The following TPTE variants were observed in gnomAD, a reference collection of about 807,000 sequenced individuals.
TPTE encodes putative tyrosine-protein phosphatase TPTE.
In TPTE, 59 loss-of-function variants were observed where a neutral mutation model predicts 84.1. The observed-to-expected ratio is 0.70, with a 90% CI of 0.57 to 0.87. TPTE has a LOEUF of 0.87. TPTE is among the 40% of genes least tolerant of loss of function. TPTE has a pLI of 0.00. For synonymous variants in TPTE, 130 were observed against 223.5 expected (o/e 0.58, Z 3.73); for missense variants, 382 against 659.6 (o/e 0.58, Z 4.61).
chr21:10,582,888 C>T (rs866050677), intron 17 of TPTE, among the ~76,000 whole-genome samples: 396 of 151,154 alleles, frequency 2.6e-3, no homozygotes, highest in African/African-American at 9.4e-3. Flanking sequence ...CATCCACCAC[C>T]ACACCCAGCT....
intron 10 of TPTE, among the ~76,000 whole-genome samples, chr21:10,563,710 AAGAC>A (rs2074854262): frequency 6.6e-6 from 1 of 152,292 alleles, no homozygotes; most frequent in Admixed American, 6.5e-5. Context: ...TCACTAATGA[AAGAC>A]AGGAAGGAAA....
intron 21 of TPTE, 50 bp from the exon 22 acceptor site, chr21:10,602,008 G>C (rs1978587730): frequency 6.3e-7 from 1 of 1,581,680 alleles, no homozygotes; most frequent in Non-Finnish European, 8.7e-7. Flanking sequence ...GAACTTCATT[G>C]TTATCATTAT....
chr21:10,602,774 A>G (rs71319774), intron 22 of TPTE: 14,606 of 435,340 alleles, frequency 0.034, no homozygotes, highest in East Asian at 0.082. Context: ...AGGGCCAACT[A>G]GAAGGGGGAG....
At chr21:10,593,513 T>C (rs1464674514) in intron 19 of TPTE, among the ~76,000 whole-genome samples, 4 of 152,300 alleles carry the variant, frequency 2.6e-5, no homozygotes, top group Non-Finnish European at 5.9e-5. Flanking sequence ...AATTTGTTTA[T>C]TGCAGAAACC....
chr21:10,564,709 T>A (rs1000074636), intron 10 of TPTE, among the ~76,000 whole-genome samples: 1 of 152,312 alleles, frequency 6.6e-6, no homozygotes, highest in Non-Finnish European at 1.5e-5. Context: ...TGTAAATCAA[T>A]CAATGCGATA....
At chr21:10,605,104 A>T (rs1405359322) in intron 23 of TPTE, among the ~76,000 whole-genome samples, 1 of 152,312 alleles carries the variant, frequency 6.6e-6, no homozygotes, top group African/African-American at 2.4e-5. Flanking sequence ...CTGGGCTTTC[A>T]TTCATGTCTA....
chr21:10,570,402 T>A, intron 13 of TPTE, 83 bp from the exon 14 acceptor site: 1 of 1,601,992 alleles, frequency 6.2e-7, no homozygotes, highest in Admixed American at 1.7e-5. Context: ...GAAAATGGAA[T>A]CTGATCATGT....
chr21:10,573,387 C>A (rs2075085341), intron 14 of TPTE, among the ~76,000 whole-genome samples: 1 of 152,310 alleles, frequency 6.6e-6, no homozygotes, highest in Non-Finnish European at 1.5e-5. Flanking sequence ...GACTCCAATG[C>A]AGTAACAGTT....
chr21:10,602,215 T>G (rs1332807054), intron 22 of TPTE, 65 bp downstream of exon 22: 1 of 1,564,150 alleles, frequency 6.4e-7, no homozygotes, highest in Non-Finnish European at 8.8e-7. Context: ...ATGTAAGATT[T>G]GCTTTACTAC....
intron 20 of TPTE, 109 bp downstream of exon 20, chr21:10,596,196 C>G (rs1486978356): frequency 2.8e-5 from 40 of 1,431,812 alleles, no homozygotes; most frequent in South Asian, 4.8e-5. Flanking sequence ...TCATACTTGT[C>G]TTTTTACATA....
At chr21:10,541,007 A>G in intron 4 of TPTE, 105 bp from the exon 5 acceptor site, 1 of 1,526,512 alleles carries the variant, frequency 6.6e-7, no homozygotes, top group South Asian at 1.1e-5. Flanking sequence ...ACATGTGAAT[A>G]ATAAAAGTGT....
intron 1 of TPTE, among the ~76,000 whole-genome samples, chr21:10,521,949 C>T (rs1182671260): frequency 4.6e-5 from 7 of 152,266 alleles, no homozygotes; most frequent in African/African-American, 1.7e-4. Context: ...CTCTCCGCGC[C>T]CGCTCCTCCT....
At chr21:10,538,498 G>A (rs1005447654) in intron 3 of TPTE, among the ~76,000 whole-genome samples, 183 bp from the exon 4 acceptor site, 7 of 152,304 alleles carry the variant, frequency 4.6e-5, no homozygotes, top group African/African-American at 1.4e-4. Flanking sequence ...TAAGATGTTG[G>A]TTGCCATCAT....
intron 8 of TPTE, among the ~76,000 whole-genome samples, chr21:10,553,702 CA>C (rs2074624450): frequency 6.6e-6 from 1 of 152,300 alleles, no homozygotes; most frequent in Non-Finnish European, 1.5e-5. Flanking sequence ...TGTTTCATAA[CA>C]GGGGGATGAT....
chr21:10,603,752 G>A, intron 23 of TPTE, 120 bp downstream of exon 23: 1 of 1,269,328 alleles, frequency 7.9e-7, no homozygotes, highest in Non-Finnish European at 1.1e-6. Context: ...AAAAATCCTT[G>A]AACCACCATT....
chr21:10,550,236 A>T (rs1214550386), intron 7 of TPTE, among the ~76,000 whole-genome samples: 1 of 152,310 alleles, frequency 6.6e-6, no homozygotes, highest in Non-Finnish European at 1.5e-5. Flanking sequence ...CTCACCTACC[A>T]ATAATAACTT....
rs1368151369 is a variant in TPTE, at chr21:10,538,060, C to T, written c.-43-621C>T. Among the ~76,000 whole-genome samples the T allele has an allele frequency of 5.2e-5, 8 of 152,430 alleles. No homozygotes were observed. In the South Asian group the frequency reaches 1.4e-3, roughly 28 times the overall value. Reference sequence around the variant, plus strand: ...ATTTTCAGACTGCCTATATGTGAGACCTTACTATAATGGCTGAGGACAGCA... The same window carrying T: ...ATTTTCAGACTGCCTATATGTGAGATCTTACTATAATGGCTGAGGACAGCA... On this transcript the variant is annotated intron_variant, in intron 3 of 23. Coordinates refer to ENST00000618007, the MANE Select transcript of TPTE (RefSeq NM_199261.4).
intron 2 of TPTE, among the ~76,000 whole-genome samples, chr21:10,525,754 A>T (rs2074066931): frequency 6.6e-6 from 1 of 152,308 alleles, no homozygotes; most frequent in Admixed American, 6.5e-5. Flanking sequence ...TTACTTATTC[A>T]TGTCCCATGA....
intron 2 of TPTE, among the ~76,000 whole-genome samples, chr21:10,526,522 G>T (rs557916618): frequency 6.6e-6 from 1 of 152,426 alleles, no homozygotes; most frequent in African/African-American, 2.4e-5. Context: ...CACTCTTAGA[G>T]AATCCCAGTT....
Sources: gnomAD v4.1 joint callset for allele counts (sites outside exome capture counted in the v4.1 genomes callset) on GRCh38, gnomAD v4.1.1 for gene constraint, MANE v1.5 for transcripts, NCBI Gene and HGNC (gene_info 2026-07-23, HGNC 2026-07-21) for gene names.